The following ALPK1 variants were observed in gnomAD, a reference collection of about 807,000 sequenced individuals.
ALPK1 encodes alpha-protein kinase 1.
Under a neutral mutation model 120.6 loss-of-function variants are expected in ALPK1, and 110 were observed. The ratio of observed to expected loss-of-function variants is 0.91; its 90% confidence interval spans 0.78 to 1.07. The LOEUF is 1.07. Ranked by LOEUF, ALPK1 falls within the 50% of genes least tolerant of loss-of-function variation. ALPK1 has a pLI of 0.00. For missense variants in ALPK1, 1,498 were observed against 1,483.9 expected (o/e 1.01, Z -0.16); for synonymous variants, 582 against 560.3 (o/e 1.04, Z -0.55).
At chr4:112,298,527 T>A (rs910951485) in intron 1 of ALPK1, among the ~76,000 whole-genome samples, 11 of 152,156 alleles carry the variant, frequency 7.2e-5, no homozygotes, top group African/African-American at 1.9e-4. Flanking sequence ...ATTCCCCATA[T>A]CAAAGATCTT....
At position 112,432,516 on chromosome 4, in the gene ALPK1, A is replaced by G; in HGVS notation, c.2969A>G (p.Asp990Gly). 6.2e-7 allele frequency: 1 copy of G among 1,614,098 alleles called. No individual in the cohort carries two copies. The highest frequency in any genetic ancestry group is 8.5e-7 in the Non-Finnish European group (1 of 1,180,018). ...AAGCTGTTGGCAGGAGTGAGGCATGATTGGCTGTTTCAGAGACTAGAGAAT... is the reference window on the plus strand; with the variant it reads ...AAGCTGTTGGCAGGAGTGAGGCATGGTTGGCTGTTTCAGAGACTAGAGAAT... ...FEKLLAGVRH[D>G]WLFQRLENTG... Residue 990 changes from aspartate to glycine, a missense_variant, in exon 11 of 16, where the codon GAT becomes GGT. Transcript: ENST00000650871.
chr4:112,381,484 G>A (rs967078670), intron 3 of ALPK1, among the ~76,000 whole-genome samples: 20 of 152,132 alleles, frequency 1.3e-4, no homozygotes, highest in African/African-American at 4.8e-4. Context: ...CATATGTACG[G>A]GTCCATATAT....
intron 1 of ALPK1, among the ~76,000 whole-genome samples, chr4:112,308,910 G>A (rs1418632338): frequency 1.3e-5 from 2 of 152,060 alleles, no homozygotes; most frequent in African/African-American, 4.8e-5. Flanking sequence ...TGATGGTGAC[G>A]TACAGATGGG....
intron 4 of ALPK1, among the ~76,000 whole-genome samples, chr4:112,399,687 C>T (rs924065299): frequency 3.9e-5 from 6 of 152,012 alleles, no homozygotes; most frequent in Non-Finnish European, 7.4e-5. Flanking sequence ...CCTATCAACC[C>T]GTCATTTAAG....
chr4:112,324,638 G>A (rs1479065356), intron 2 of ALPK1, among the ~76,000 whole-genome samples: 1 of 152,036 alleles, frequency 6.6e-6, no homozygotes, highest in Non-Finnish European at 1.5e-5. Flanking sequence ...CACCACTACA[G>A]GCTAATATTT....
At chr4:112,345,694 G>A (rs1371105766) in intron 2 of ALPK1, among the ~76,000 whole-genome samples, 1 of 152,070 alleles carries the variant, frequency 6.6e-6, no homozygotes, top group African/African-American at 2.4e-5. Context: ...CAAAAGTAGA[G>A]GGAGCAATGT....
chr4:112,433,358 T>C (rs1734659125), intron 11 of ALPK1, among the ~76,000 whole-genome samples: 1 of 152,194 alleles, frequency 6.6e-6, no homozygotes, highest in Non-Finnish European at 1.5e-5. Context: ...CTGGGATCTC[T>C]TTTATGAGGG....
rs1335648973 is a variant in ALPK1 at position 112,429,320 on chromosome 4, A to C, written c.900+67A>C. On this transcript the variant is annotated intron_variant, in intron 10 of 15. Transcript: ENST00000650871. ...TCCCAGGGTGCTTTCTGATGTAACCAGTGAGAAGGGAAAGGTTTAACCTTC... is the reference window on the plus strand; with the variant it reads ...TCCCAGGGTGCTTTCTGATGTAACCCGTGAGAAGGGAAAGGTTTAACCTTC... The C allele has an allele frequency of 3.2e-6, 4 of 1,247,846 alleles. No homozygotes were observed. In the African/African-American group the frequency reaches 6.0e-5, roughly 19 times the overall value. The allele number at this position is 1,247,846 out of a possible 1,614,324, so 77.3% of individuals were successfully genotyped here. A position where few individuals can be genotyped will look rare whatever the true frequency, so the allele number is the denominator to read the frequency against.
In ALPK1 at chr4:112,375,631, T is replaced by G. The variant is rs552681446; in HGVS notation, c.-100-2047T>G. On this transcript the variant is annotated intron_variant, in intron 2 of 15. Coordinates refer to ENST00000650871, the MANE Select transcript of ALPK1 (RefSeq NM_025144.4). ...ATGAGGGTTTGGCTTAAGGGAGTGT[T>G]GTGGCTGGTTTAATTCTCTATCCAT... 2.1e-4 allele frequency among the ~76,000 whole-genome samples: 32 copies of G among 152,330 alleles called. 1 individual carries two copies. In the South Asian group the frequency reaches 2.5e-3, roughly 12 times the overall value.
chr4:112,336,508 G>A (rs1198615650), intron 2 of ALPK1, among the ~76,000 whole-genome samples: 2 of 152,062 alleles, frequency 1.3e-5, no homozygotes, highest in Admixed American at 1.3e-4. Flanking sequence ...ATGAAATTTA[G>A]CTGAATATAA....
At chr4:112,402,489 A>T (rs892119790) in intron 4 of ALPK1, among the ~76,000 whole-genome samples, 1 of 152,140 alleles carries the variant, frequency 6.6e-6, no homozygotes, top group Non-Finnish European at 1.5e-5. Flanking sequence ...TCGAAATCTC[A>T]TTGTGGAGTT....
chr4:112,306,698 C>G (rs1225397483), intron 1 of ALPK1, among the ~76,000 whole-genome samples: 3 of 151,894 alleles, frequency 2.0e-5, no homozygotes, highest in Admixed American at 2.0e-4. Context: ...TTCAAAAAAC[C>G]AGCTCCTGGA....
chr4:112,349,955 A>C (rs1433562653), intron 2 of ALPK1, among the ~76,000 whole-genome samples: 1 of 151,926 alleles, frequency 6.6e-6, no homozygotes, highest in Non-Finnish European at 1.5e-5. Flanking sequence ...TCACTATTAC[A>C]GTGTCCTAGT....
At chr4:112,344,244 A>C (rs1445076027) in intron 2 of ALPK1, among the ~76,000 whole-genome samples, 1 of 149,056 alleles carries the variant, frequency 6.7e-6, no homozygotes, top group Non-Finnish European at 1.5e-5. Context: ...CTTACTAGAC[A>C]AAACTCCCTC....
At chr4:112,330,835 A>G (rs1228894578) in intron 2 of ALPK1, among the ~76,000 whole-genome samples, 2 of 152,218 alleles carry the variant, frequency 1.3e-5, no homozygotes, top group Non-Finnish European at 2.9e-5. Flanking sequence ...ATCCTTGGCC[A>G]GAGGCAGTGT....
intron 10 of ALPK1, 26 bp downstream of exon 10, chr4:112,429,279 A>C: frequency 1.3e-6 from 2 of 1,572,550 alleles, no homozygotes; most frequent in Non-Finnish European, 8.7e-7. Flanking sequence ...CGCTCCTCAA[A>C]CCCCCACAGG....
intron 2 of ALPK1, among the ~76,000 whole-genome samples, chr4:112,355,018 T>G (rs1689704248): frequency 6.6e-6 from 1 of 152,144 alleles, no homozygotes; most frequent in South Asian, 2.1e-4. Context: ...ACAGACTAAT[T>G]TGAATGTTGA....
intron 10 of ALPK1, among the ~76,000 whole-genome samples, 181 bp from the exon 11 acceptor site, chr4:112,430,267 C>T (rs1578568497): frequency 1.3e-5 from 2 of 152,158 alleles, no homozygotes; most frequent in East Asian, 3.8e-4. Context: ...TTCTGATTCA[C>T]CAAAAAGGCC....
chr4:112,338,197 C>T (rs1364855286), intron 2 of ALPK1, among the ~76,000 whole-genome samples: 1 of 152,208 alleles, frequency 6.6e-6, no homozygotes, highest in Non-Finnish European at 1.5e-5. Context: ...GAACTCCTGA[C>T]TTCAGGTGAT....
Sources: allele counts gnomAD v4.1 joint callset (sites outside exome capture counted in the v4.1 genomes callset), GRCh38; gene constraint gnomAD v4.1.1; transcripts MANE v1.5; gene names NCBI Gene and HGNC (gene_info 2026-07-23, HGNC 2026-07-21).